The following SBF1 variants were observed in gnomAD, a reference collection of about 807,000 sequenced individuals.
The protein encoded by SBF1 is myotubularin-related protein 5.
A neutral mutation model predicts 215.8 loss-of-function variants in SBF1; 65 were observed. The ratio of observed to expected loss-of-function variants is 0.30; its 90% CI spans 0.25 to 0.37. The LOEUF (loss-of-function observed/expected upper bound fraction) is 0.37, where lower values mean the gene tolerates loss of function less well. Ranked by LOEUF, SBF1 falls within the 10% of genes least tolerant of loss-of-function variation. The probability of loss-of-function intolerance (pLI) is 1.00; values close to 1 mark genes in which losing one functional copy is unlikely to be tolerated. For synonymous variants in SBF1, 1,410 were observed against 1,122.8 expected (o/e 1.26, Z -5.11); for missense variants, 2,634 against 2,667.8 (o/e 0.99, Z 0.28).
intron 28 of SBF1, among the ~76,000 whole-genome samples, chr22:50,458,787 G>A (rs1412457240): frequency 6.6e-6 from 1 of 152,180 alleles, no homozygotes; most frequent in African/African-American, 2.4e-5. Context: ...GAGGACAGAG[G>A]CCAAGCTGCA....
In SBF1 at chr22:50,448,783, G is replaced by C. The variant is rs2066933880; in HGVS notation, c.5044-133C>G. 33 of 654,702 alleles carry C rather than the reference G, an allele frequency of 5.0e-5. No individual in the cohort carries two copies. The South Asian group carries it at 6.2e-4, about 12-fold the overall frequency. 40.6% of individuals were successfully genotyped at this position (654,702 alleles called of 1,614,324 possible). A position where few individuals can be genotyped will look rare whatever the true frequency, so the allele number is the denominator to read the frequency against. On this transcript the variant is annotated intron_variant, in intron 36 of 40. Transcript: ENST00000380817. ...CGTGTGTGACTGGCCACAGGGGGAG[G>C]TGGCAAGAGGGAGGGAAGGAATATG...
At chr22:50,456,453 G>GGCCCCCCCCCCCCCC in intron 30 of SBF1, 39 bp downstream of exon 30, 1 of 1,520,042 alleles carries the variant, frequency 6.6e-7, no homozygotes, top group Non-Finnish European at 8.9e-7. Flanking sequence ...CCCCTGCCGA[G>GGCCCCCCCCCCCCCC]CCCCCACCCT....
At chr22:50,469,733 C>T (rs2067928750) in intron 1 of SBF1, among the ~76,000 whole-genome samples, 1 of 152,102 alleles carries the variant, frequency 6.6e-6, no homozygotes, top group Non-Finnish European at 1.5e-5. Context: ...CACAGAGCCC[C>T]TCATGGACCC....
chr22:50,465,149 C>G lies in SBF1; in HGVS notation c.1204-20G>C, dbSNP rs762288024. 3.1e-6 allele frequency: 5 copies of G among 1,613,914 alleles called. No individual in the cohort carries two copies. Among genetic ancestry groups the G allele is most frequent in the Non-Finnish European group, 4.2e-6 (5 of 1,179,966 alleles). ...GGCTGCCTGGATGACAGAAGGAGGT[C>G]GGTCCCTCAGGGGTCTCCACCATGC... On this transcript the variant is annotated intron_variant, in intron 11 of 40. Coordinates refer to ENST00000380817, the MANE Select transcript of SBF1 (RefSeq NM_002972.4).
intron 5 of SBF1, 135 bp downstream of exon 5, chr22:50,467,203 T>C: frequency 2.9e-6 from 2 of 697,980 alleles, no homozygotes; most frequent in Admixed American, 2.6e-5. Context: ...TTGGGGGCAA[T>C]GGTGGCACGA....
At chr22:50,474,759 C>A in intron 1 of SBF1, 27 bp downstream of exon 1, 2 of 1,462,968 alleles carry the variant, frequency 1.4e-6, no homozygotes, top group Non-Finnish European at 1.8e-6. Context: ...CGGCCCCCGG[C>A]CCTCAGCGCT....
rs1556416912 is a variant in SBF1 at position 50,448,620 on chromosome 22, G to A, written c.5074C>T (p.Gln1692Ter). 6.2e-7 allele frequency: 1 copy of A among 1,611,710 alleles called. No homozygotes were observed. Among genetic ancestry groups the A allele is most frequent in the Non-Finnish European group, 8.5e-7 (1 of 1,180,006 alleles). ...GTGTCCTTCCAGCGCTCAGCGGGTT[G>A]GCCCAACTCTGTCTCCAGCCTCTGC... ...ELQRLETELG[Q>*]PAERWKDTWD... The change falls in exon 37 of 41, where the codon CAA becomes TAA. Residue 1692 changes from glutamine (Q) to a stop codon, truncating the protein, a stop_gained. Transcript: ENST00000380817. LOFTEE classifies it high-confidence loss of function.
intron 16 of SBF1, 39 bp from the exon 17 acceptor site, chr22:50,462,977 C>T (rs1569512841): frequency 8.9e-6 from 14 of 1,574,576 alleles, no homozygotes; most frequent in Non-Finnish European, 1.2e-5. Context: ...CCTCTCCCCT[C>T]CCAGGCAGCA....
At chr22:50,463,049 G>A in intron 16 of SBF1, 111 bp from the exon 17 acceptor site, 1 of 1,239,470 alleles carries the variant, frequency 8.1e-7, no homozygotes, top group Non-Finnish European at 1.2e-6. Flanking sequence ...TGACACCCTT[G>A]GCTCCAGCTC....
rs1411682771 is a variant in SBF1 at position 50,459,514 on chromosome 22, T to C, written c.3644A>G (p.Lys1215Arg). 6 of 1,610,166 alleles carry C rather than the reference T, an allele frequency of 3.7e-6. No individual in the cohort carries two copies. The highest frequency in any genetic ancestry group is 1.7e-5 in the Admixed American group (1 of 59,972). Reference protein sequence around the residue: ...VLLRSGGLHGKGVVGLFKAQN... With the variant: ...VLLRSGGLHGRGVVGLFKAQN... Reference sequence around the variant, plus strand: ...GGCCTTGAAGAGGCCGACGACACCTTTGCCATGCAGGCCTCCAGAGCGCAG... The same window carrying C: ...GGCCTTGAAGAGGCCGACGACACCTCTGCCATGCAGGCCTCCAGAGCGCAG... The change falls in exon 27 of 41, where the codon AAA (lysine) becomes AGA (arginine). Residue 1215 changes from lysine (K) to arginine (R), a missense_variant. Coordinates refer to ENST00000380817, the MANE Select transcript of SBF1 (RefSeq NM_002972.4).
Position 50,462,290 on chromosome 22 carries a change from G to T in SBF1, c.2311C>A (p.Leu771Met). The T allele has an allele frequency of 6.2e-7, 1 of 1,613,332 alleles. No homozygotes were observed. The highest frequency in any genetic ancestry group is 8.5e-7 in the Non-Finnish European group (1 of 1,180,020). Residue 771 changes from leucine (L) to methionine (M), a missense_variant, in exon 19 of 41, where the codon CTG becomes ATG. By Grantham distance (15) the Leu-to-Met change is conservative. Coordinates refer to ENST00000380817, the MANE Select transcript of SBF1 (RefSeq NM_002972.4). ...ANRMSYLLLP[L>M]DSSKSRLLRE... ...AGTAGGCGGCTCTTGCTGCTGTCCA[G>T]GGGCAGGAGGAGGTAGCTCATGCGG...
At position 50,454,514 on chromosome 22, in the gene SBF1, C is replaced by T. The variant is rs1359850791; in HGVS notation, c.5041G>A (p.Glu1681Lys). The T allele has an allele frequency of 6.2e-7, 1 of 1,608,304 alleles. No homozygotes were observed. Among genetic ancestry groups the T allele is most frequent in the Non-Finnish European group, 8.5e-7 (1 of 1,179,544 alleles). Residue 1681 changes from glutamate (E) to lysine (K), a missense_variant and splice_region_variant, in exon 36 of 41, where the codon GAG (glutamate) becomes AAG (lysine). By Grantham distance (56) the Glu-to-Lys change is moderately conservative. Transcript: ENST00000380817. ...CCCTGCTCTGGGATCACACGCACCT[C>T]CAGCAGGCGTGAGATGGCGTCAGGC... ...AQPDAISRLL[E>K]ELQRLETELG...
intron 36 of SBF1, among the ~76,000 whole-genome samples, chr22:50,451,029 C>G (rs1156969418): frequency 1.3e-5 from 2 of 151,926 alleles, no homozygotes; most frequent in Non-Finnish European, 2.9e-5. Context: ...CAATAAAAAG[C>G]GTTAAATTCA....
chr22:50,453,063 G>A (rs1305623772), intron 36 of SBF1, among the ~76,000 whole-genome samples: 1 of 152,118 alleles, frequency 6.6e-6, no homozygotes, highest in Non-Finnish European at 1.5e-5. Context: ...CACATCAATA[G>A]TAACAGTAAA....
rs191739086 is a variant in SBF1 at position 50,460,467 on chromosome 22, G to A, written c.3147-59C>T. On this transcript the variant is annotated intron_variant, in intron 24 of 40. Transcript: ENST00000380817. ...AGGAGGGACAAAGATGAGCACAGGG[G>A]CCTAGGAGGGTTGGAGCGGGAACAC... The A allele has an allele frequency of 4.5e-5, 73 of 1,607,458 alleles. No individual in the cohort carries two copies. The African/African-American group carries it at 9.2e-4, about 20-fold the overall frequency.
rs773106303 is a variant in SBF1 at position 50,459,255 on chromosome 22, C to T, written c.3826G>A (p.Val1276Ile). 3.8e-6 allele frequency: 6 copies of T among 1,597,532 alleles called. No individual in the cohort carries two copies. Among genetic ancestry groups the T allele is most frequent in the East Asian group, 4.5e-5 (2 of 44,392 alleles). ...ACCGTCTGCCCACAAGCACCCTCAC[C>T]GTGACTGCCCATGTGGGCTGAGGAG... The part of the protein sequence containing the change: ...GFSSAHMGSH[V>I]PSPRARVTTL... Residue 1276 changes from valine to isoleucine, a missense_variant and splice_region_variant, in exon 28 of 41, where the codon GTT (valine) becomes ATT (isoleucine). Coordinates refer to ENST00000380817, the MANE Select transcript of SBF1 (RefSeq NM_002972.4).
At chr22:50,459,792 G>A (rs1016832049) in intron 26 of SBF1, 126 bp from the exon 27 acceptor site, 112 of 1,317,818 alleles carry the variant, frequency 8.5e-5, no homozygotes, top group Middle Eastern at 4.6e-4. Context: ...CAGCCACGGG[G>A]CCCCCCAGCC....
Position 50,456,264 on chromosome 22 carries a change from G to C in SBF1, c.4218C>G (p.Ser1406Arg), listed in dbSNP as rs773823809. The change falls in exon 31 of 41, where the codon AGC becomes AGG. Residue 1406 changes from serine to arginine, a missense_variant. By Grantham distance (110) the Ser-to-Arg change is moderately radical (BLOSUM62 -1). Coordinates refer to ENST00000380817, the MANE Select transcript of SBF1 (RefSeq NM_002972.4). ...CVPGCPAAEP[S>R]PASFLRSLED... ...CCAGTGAGCGCAGGAAGGAGGCTGGGCTGGGCTCAGCAGCGGGGCAGCCTG... is the reference window on the plus strand; with the variant it reads ...CCAGTGAGCGCAGGAAGGAGGCTGGCCTGGGCTCAGCAGCGGGGCAGCCTG... 5 of 1,612,556 alleles carry C rather than the reference G, an allele frequency of 3.1e-6. No homozygotes were observed. The highest frequency in any genetic ancestry group is 4.2e-6 in the Non-Finnish European group (5 of 1,179,952).
At chr22:50,454,284 C>G (rs757984547) in intron 36 of SBF1, among the ~76,000 whole-genome samples, 16 of 152,136 alleles carry the variant, frequency 1.1e-4, no homozygotes, top group Non-Finnish European at 2.2e-4. Context: ...TGACGGCCCT[C>G]CTGTCACTGT....
Sources: gnomAD v4.1 joint callset for allele counts (sites outside exome capture counted in the v4.1 genomes callset) on GRCh38, gnomAD v4.1.1 for gene constraint, MANE v1.5 for transcripts, NCBI Gene and HGNC (gene_info 2026-07-23, HGNC 2026-07-21) for gene names.